Variants in PRLR observed in about 807,000 individuals in gnomAD.
PRLR encodes the protein hPRL receptor.
A neutral mutation model predicts 40.2 loss-of-function variants in PRLR; 13 were observed. That is an observed-to-expected ratio of 0.32 (90% confidence interval 0.21 to 0.51). PRLR has a LOEUF of 0.51. Ranked by LOEUF, PRLR falls within the 20% of genes least tolerant of loss-of-function variation. The pLI is 0.97. For synonymous variants in PRLR, 269 were observed against 278.7 expected (o/e 0.97, Z 0.35); for missense variants, 656 against 747.3 (o/e 0.88, Z 1.42).
intron 1 of PRLR, among the ~76,000 whole-genome samples, chr5:35,166,319 C>T (rs1774824625): frequency 1.3e-5 from 2 of 152,114 alleles, no homozygotes; most frequent in South Asian, 4.1e-4. Flanking sequence ...AATAAATTTC[C>T]AGCCACAATC....
chr5:35,179,000 C>A (rs969329454), intron 1 of PRLR, among the ~76,000 whole-genome samples: 8 of 152,082 alleles, frequency 5.3e-5, no homozygotes, highest in African/African-American at 1.9e-4. Flanking sequence ...ACTTTTTAAC[C>A]TTCCTTAACA....
chr5:35,071,322 G>C (rs968927151), intron 6 of PRLR, among the ~76,000 whole-genome samples: 1 of 152,144 alleles, frequency 6.6e-6, no homozygotes, highest in Non-Finnish European at 1.5e-5. Context: ...AGGATATAAC[G>C]ACCAGTTACA....
At chr5:35,228,410 C>T (rs181402756) in intron 1 of PRLR, among the ~76,000 whole-genome samples, 12 of 152,250 alleles carry the variant, frequency 7.9e-5, no homozygotes, top group African/African-American at 2.9e-4. Context: ...GTGGAACACC[C>T]AGGGTCCCCA....
chr5:35,193,983 G>A (rs773509850), intron 1 of PRLR, among the ~76,000 whole-genome samples: 3 of 152,060 alleles, frequency 2.0e-5, no homozygotes, highest in African/African-American at 4.8e-5. Context: ...TTCTGTCCAC[G>A]GAGCATCTCC....
At chr5:35,116,246 G>C (rs764769940) in intron 2 of PRLR, among the ~76,000 whole-genome samples, 3 of 152,030 alleles carry the variant, frequency 2.0e-5, no homozygotes, top group Non-Finnish European at 4.4e-5. Context: ...TTAGGGCCTT[G>C]GTTTGCCAAT....
rs199926930 is a variant in PRLR, at chr5:35,083,528, T to TC, written c.373+941_373+942insG. 3.5e-3 allele frequency among the ~76,000 whole-genome samples: 524 copies of TC among 151,220 alleles called. 5 individuals carry two copies. The highest frequency in any genetic ancestry group is 0.011 in the African/African-American group (447 of 41,168). On this transcript the variant is annotated intron_variant, in intron 5 of 9. Transcript: ENST00000618457. ...TTAAATTCTTTCTTTTCTTTTCTTT[T>TC]TTTTTTTTTGATGTGGAGTCTCGCT...
rs3776610 is a variant in PRLR, at chr5:35,088,534, A to C, written c.70+1017T>G. Among the ~76,000 whole-genome samples the C allele has an allele frequency of 2.0e-4, 31 of 152,250 alleles. No individual in the cohort carries two copies. The East Asian group carries it at 5.6e-3, about 27-fold the overall frequency. On this transcript the variant is annotated intron_variant, in intron 3 of 9. Coordinates refer to ENST00000618457, the MANE Select transcript of PRLR (RefSeq NM_000949.7). ...TGCTTTCCCCTTTTTCTCTCTCTGA[A>C]AGCTTCTCTTTCTTATTTTACTGTT...
chr5:35,144,875 C>A (rs1169674421), intron 1 of PRLR, among the ~76,000 whole-genome samples: 1 of 152,068 alleles, frequency 6.6e-6, no homozygotes, highest in African/African-American at 2.4e-5. Context: ...ACTACAGGTG[C>A]GTGAGGTAAC....
At chr5:35,082,357 C>T (rs139915311) in intron 5 of PRLR, among the ~76,000 whole-genome samples, 9 of 152,216 alleles carry the variant, frequency 5.9e-5, no homozygotes, top group African/African-American at 9.6e-5. Context: ...TATACAAAAA[C>T]GCAAATAAAA....
chr5:35,154,161 A>G (rs957213662), intron 1 of PRLR, among the ~76,000 whole-genome samples: 3 of 152,240 alleles, frequency 2.0e-5, no homozygotes, highest in African/African-American at 7.2e-5. Flanking sequence ...GTTTCTAGGT[A>G]GAAAACTCAT....
intron 1 of PRLR, among the ~76,000 whole-genome samples, chr5:35,227,653 C>T (rs990915656): frequency 6.6e-6 from 1 of 152,114 alleles, no homozygotes; most frequent in Non-Finnish European, 1.5e-5. Flanking sequence ...TTTAAGTTTC[C>T]GATGTTTCCT....
At chr5:35,092,894 T>C (rs1254913881) in intron 2 of PRLR, among the ~76,000 whole-genome samples, 1 of 152,146 alleles carries the variant, frequency 6.6e-6, no homozygotes, top group Non-Finnish European at 1.5e-5. Flanking sequence ...GTTTCCTTGC[T>C]TCCCAATCTT....
At chr5:35,049,421 A>G in intron 8 of PRLR, 1 of 702,958 alleles carries the variant, frequency 1.4e-6, no homozygotes, top group Non-Finnish European at 2.6e-6. Flanking sequence ...GGAGTGGGGA[A>G]GAAAAACAGT....
intron 1 of PRLR, among the ~76,000 whole-genome samples, chr5:35,186,842 C>T (rs547007901): frequency 4.6e-5 from 7 of 152,280 alleles, no homozygotes; most frequent in Admixed American, 2.0e-4. Flanking sequence ...AAGATGAATA[C>T]TACTCTTCTG....
chr5:35,190,974 C>T lies in PRLR; in HGVS notation c.-106+39294G>A, dbSNP rs143112577. ...ATATTTACATAATGGGGATTTTATA[C>T]TATGATGACCAAAACAAAGCCCCTA... is the stretch of plus-strand genomic sequence containing the variant. On this transcript the variant is annotated intron_variant, in intron 1 of 9. Transcript: ENST00000618457. Among the ~76,000 whole-genome samples, 635 of 150,434 alleles carry T rather than the reference C, an allele frequency of 4.2e-3. 4 individuals are homozygous for T. The highest frequency in any genetic ancestry group is 0.015 in the African/African-American group (613 of 41,240).
At chr5:35,080,144 C>G (rs949082310) in intron 5 of PRLR, among the ~76,000 whole-genome samples, 1 of 152,152 alleles carries the variant, frequency 6.6e-6, no homozygotes, top group African/African-American at 2.4e-5. Context: ...GACTTCATGA[C>G]TAAAACACCA....
chr5:35,089,675 G>T lies in PRLR; in HGVS notation c.-43-12C>A. On this transcript the variant is annotated splice_polypyrimidine_tract_variant and intron_variant, in intron 2 of 9. Transcript: ENST00000618457. ...GTATCAGAAGTTCACTGGAAGAGAA[G>T]GTAGCAGGTAACTTTTGTGAAATGG... 1.3e-6 allele frequency: 2 copies of T among 1,589,898 alleles called. No homozygotes were observed. The highest frequency in any genetic ancestry group is 1.7e-6 in the Non-Finnish European group (2 of 1,158,458).
intron 1 of PRLR, among the ~76,000 whole-genome samples, chr5:35,124,133 C>A (rs1773380703): frequency 6.6e-6 from 1 of 152,282 alleles, no homozygotes; most frequent in South Asian, 2.1e-4. Context: ...TATCCAAAGG[C>A]ACAAGAAGAG....
chr5:35,110,792 C>G (rs1772609940), intron 2 of PRLR, among the ~76,000 whole-genome samples: 1 of 152,184 alleles, frequency 6.6e-6, no homozygotes, highest in Non-Finnish European at 1.5e-5. Context: ...TTTCTCCATA[C>G]TGTTTCAGAA....
Sources: gnomAD v4.1 joint callset for allele counts (sites outside exome capture counted in the v4.1 genomes callset) on GRCh38, gnomAD v4.1.1 for gene constraint, MANE v1.5 for transcripts, NCBI Gene and HGNC (gene_info 2026-07-23, HGNC 2026-07-21) for gene names.